The following STK39 variants were observed in gnomAD, a reference collection of about 807,000 sequenced individuals.
STK39 encodes STE20/SPS1-related proline-alanine-rich protein kinase.
In STK39, 20 loss-of-function variants were observed where a neutral mutation model predicts 77.8. The observed-to-expected ratio is 0.26, with a 90% CI of 0.18 to 0.37. The LOEUF is 0.37. Ranked by LOEUF, STK39 falls within the 10% of genes least tolerant of loss-of-function variation. The probability of loss-of-function intolerance (pLI) is 1.00; values close to 1 mark genes in which losing one functional copy is unlikely to be tolerated. For synonymous variants in STK39, 246 were observed against 234.1 expected (o/e 1.05, Z -0.47); for missense variants, 479 against 656.5 (o/e 0.73, Z 2.95).
At chr2:168,055,745 T>C (rs938653535) in intron 14 of STK39, among the ~76,000 whole-genome samples, 1 of 152,268 alleles carries the variant, frequency 6.6e-6, no homozygotes, top group African/African-American at 2.4e-5. Context: ...TCCAAATCAC[T>C]GAGCCTGATT....
At chr2:168,113,685 C>T (rs1008611381) in intron 10 of STK39, among the ~76,000 whole-genome samples, 1 of 152,202 alleles carries the variant, frequency 6.6e-6, no homozygotes, top group Non-Finnish European at 1.5e-5. Context: ...CTCAGTCACT[C>T]GCACCACTCT....
At chr2:168,036,150 TTTTTCTC>T (rs1167540072) in intron 14 of STK39, among the ~76,000 whole-genome samples, 1 of 152,092 alleles carries the variant, frequency 6.6e-6, no homozygotes, top group Non-Finnish European at 1.5e-5. Context: ...ACTCAATATA[TTTTTCTC>T]TGGGATTAGC....
At chr2:168,172,414 A>G (rs1260904790) in intron 2 of STK39, among the ~76,000 whole-genome samples, 1 of 152,130 alleles carries the variant, frequency 6.6e-6, no homozygotes, top group Non-Finnish European at 1.5e-5. Context: ...CATTGTCTCA[A>G]CCCATGTTTT....
At chr2:168,018,664 A>G (rs1474235053) in intron 14 of STK39, among the ~76,000 whole-genome samples, 2 of 152,176 alleles carry the variant, frequency 1.3e-5, no homozygotes, top group Non-Finnish European at 2.9e-5. Context: ...ACAGAGTCAG[A>G]GATGGCCTGA....
At chr2:168,183,176 C>A (rs1689126725) in intron 1 of STK39, among the ~76,000 whole-genome samples, 1 of 152,124 alleles carries the variant, frequency 6.6e-6, no homozygotes, top group Non-Finnish European at 1.5e-5. Flanking sequence ...AGGGGTGAAG[C>A]TCTGCCCTTT....
chr2:168,237,492 G>A (rs1272594622), intron 1 of STK39, among the ~76,000 whole-genome samples: 1 of 152,202 alleles, frequency 6.6e-6, no homozygotes, highest in Non-Finnish European at 1.5e-5. Flanking sequence ...TTGAATAGGA[G>A]TGGTGAGAGA....
chr2:168,089,187 G>A (rs2105430064), intron 10 of STK39, among the ~76,000 whole-genome samples: 1 of 152,308 alleles, frequency 6.6e-6, no homozygotes, highest in African/African-American at 2.4e-5. Context: ...CACTAATCAG[G>A]TAAGTTCCTA....
intron 10 of STK39, among the ~76,000 whole-genome samples, chr2:168,127,044 GA>G (rs1304944042): frequency 6.6e-6 from 1 of 152,176 alleles, no homozygotes; most frequent in Non-Finnish European, 1.5e-5. Context: ...AGACATGGTT[GA>G]AAAATCACAT....
chr2:168,191,800 G>A (rs916835828), intron 1 of STK39, among the ~76,000 whole-genome samples: 3 of 152,168 alleles, frequency 2.0e-5, no homozygotes, highest in East Asian at 1.9e-4. Flanking sequence ...TATTTAATAC[G>A]AAGATCTTAT....
At chr2:168,006,700 G>C (rs781334938) in intron 16 of STK39, among the ~76,000 whole-genome samples, 19 of 152,110 alleles carry the variant, frequency 1.2e-4, no homozygotes, top group Non-Finnish European at 2.6e-4. Context: ...CCACCCGCGA[G>C]GCCTTGCCAA....
intron 1 of STK39, among the ~76,000 whole-genome samples, chr2:168,237,102 T>C (rs550470534): frequency 1.3e-5 from 2 of 152,334 alleles, no homozygotes; most frequent in East Asian, 3.9e-4. Context: ...TCCATTTCTT[T>C]GTATCCTCTT....
At chr2:168,115,838 A>G in intron 10 of STK39, among the ~76,000 whole-genome samples, 1 of 152,166 alleles carries the variant, frequency 6.6e-6, no homozygotes, top group East Asian at 1.9e-4. Context: ...GCAAGTGGAC[A>G]ATAGAGAACT....
At chr2:168,182,280 C>G (rs1559136453) in intron 1 of STK39, among the ~76,000 whole-genome samples, 190 bp from the exon 2 acceptor site, 1 of 151,670 alleles carries the variant, frequency 6.6e-6, no homozygotes, top group Admixed American at 6.6e-5. Flanking sequence ...AAAAAAAAAA[C>G]TGCATTTTCC....
rs540315831 is a variant in STK39 at position 168,157,630 on chromosome 2, G to A, written c.628+4157C>T. Among the ~76,000 whole-genome samples, 5 of 152,152 alleles carry A rather than the reference G, an allele frequency of 3.3e-5. No individual in the cohort carries two copies. The South Asian group carries it at 1.0e-3, about 32-fold the overall frequency. On this transcript the variant is annotated intron_variant, in intron 5 of 17. Coordinates refer to ENST00000355999, the MANE Select transcript of STK39 (RefSeq NM_013233.3). ...TGGTAGAAGGGCACGGCAGCTCTCTGGGGCCTCTTTATAAAGGCACTGGCC... is the reference window on the plus strand; with the variant it reads ...TGGTAGAAGGGCACGGCAGCTCTCTAGGGCCTCTTTATAAAGGCACTGGCC...
At position 168,247,400 on chromosome 2, in the gene STK39, C is replaced by G. The variant is rs748780606; in HGVS notation, c.36G>C (p.Gln12His). The G allele has an allele frequency of 2.5e-6, 3 of 1,177,214 alleles. No homozygotes were observed. The highest frequency in any genetic ancestry group is 3.7e-5 in the Admixed American group (1 of 27,250). 72.9% of individuals were successfully genotyped at this position (1,177,214 alleles called of 1,614,324 possible). A position where few individuals can be genotyped will look rare whatever the true frequency, so the allele number is the denominator to read the frequency against. The change falls in exon 1 of 18, where the codon CAG (glutamine) becomes CAC (histidine). Residue 12 changes from glutamine (Q) to histidine (H), a missense_variant. Physicochemically the swap from Gln to His is conservative, Grantham distance 24. Transcript: ENST00000355999. ...TCACCGGGGCCGCCTGCTGGGGAAG[C>G]TGGACGTGCACGGGCGAGCCGCTCG... ...AEPSGSPVHV[Q>H]LPQQAAPVTA...
intron 3 of STK39, among the ~76,000 whole-genome samples, chr2:168,165,263 G>A (rs565270047): frequency 6.6e-6 from 1 of 152,282 alleles, no homozygotes; most frequent in Non-Finnish European, 1.5e-5. Context: ...TTTAAAATCT[G>A]TTCTTACCTA....
intron 1 of STK39, among the ~76,000 whole-genome samples, chr2:168,199,585 T>C (rs1689561378): frequency 6.6e-6 from 1 of 151,958 alleles, no homozygotes; most frequent in Non-Finnish European, 1.5e-5. Context: ...TGGAGTGCAG[T>C]GGCACGATCT....
At chr2:168,214,136 C>A (rs1455472255) in intron 1 of STK39, among the ~76,000 whole-genome samples, 1 of 152,006 alleles carries the variant, frequency 6.6e-6, no homozygotes, top group Admixed American at 6.6e-5. Context: ...CAATCCCAGG[C>A]AAGTCACTCG....
intron 16 of STK39, among the ~76,000 whole-genome samples, chr2:167,965,102 C>G (rs1692112789): frequency 7.1e-6 from 1 of 140,530 alleles, no homozygotes; most frequent in African/African-American, 2.6e-5. Flanking sequence ...CAGTACAAAA[C>G]AAAGAGGAGA....
Sources: gnomAD v4.1 joint callset for allele counts (sites outside exome capture counted in the v4.1 genomes callset) on GRCh38, gnomAD v4.1.1 for gene constraint, MANE v1.5 for transcripts, NCBI Gene and HGNC (gene_info 2026-07-23, HGNC 2026-07-21) for gene names.